HMGA2: variants seen among roughly 807,000 people sequenced by gnomAD.
HMGA2 encodes high mobility group protein HMGI-C.
In HMGA2, 8 loss-of-function variants were observed where a neutral mutation model predicts 19.1. That is an observed-to-expected ratio of 0.42 (90% CI 0.25 to 0.76). The LOEUF (loss-of-function observed/expected upper bound fraction) is 0.76, where lower values mean the gene tolerates loss of function less well. Ranked by LOEUF, HMGA2 falls within the 30% of genes least tolerant of loss-of-function variation. HMGA2 has a pLI of 0.28. For synonymous variants in HMGA2, 60 were observed against 48.8 expected (o/e 1.23, Z -0.96); for missense variants, 109 against 136.3 (o/e 0.80, Z 1.00).
chr12:65,844,610 A>G (rs1052374502), intron 3 of HMGA2, among the ~76,000 whole-genome samples: 5 of 152,248 alleles, frequency 3.3e-5, no homozygotes, highest in Admixed American at 3.3e-4. Flanking sequence ...TTGTTTTAAT[A>G]TGTAAGTGCT....
chr12:65,840,966 C>T (rs1870969758), intron 3 of HMGA2, among the ~76,000 whole-genome samples: 1 of 152,102 alleles, frequency 6.6e-6, no homozygotes, highest in Non-Finnish European at 1.5e-5. Context: ...AGGTTAGAGT[C>T]CTGTCTTCTC....
intron 3 of HMGA2, among the ~76,000 whole-genome samples, chr12:65,921,720 T>C (rs1875320695): frequency 6.6e-6 from 1 of 152,176 alleles, no homozygotes; most frequent in Non-Finnish European, 1.5e-5. Context: ...GGGGGAAATG[T>C]CTCCAGACCA....
chr12:65,913,550 A>G (rs1205159774), intron 3 of HMGA2, among the ~76,000 whole-genome samples: 2 of 152,158 alleles, frequency 1.3e-5, no homozygotes, highest in Non-Finnish European at 2.9e-5. Context: ...CTTTTCAGTC[A>G]TTTTTATCAA....
intron 2 of HMGA2, among the ~76,000 whole-genome samples, chr12:65,831,504 A>G (rs955913850): frequency 7.9e-5 from 12 of 151,866 alleles, no homozygotes; most frequent in African/African-American, 2.9e-4. Context: ...ATCATGTCAT[A>G]TATTTGTTCA....
At chr12:65,934,511 A>G (rs1875826010) in intron 3 of HMGA2, among the ~76,000 whole-genome samples, 1 of 152,194 alleles carries the variant, frequency 6.6e-6, no homozygotes, top group South Asian at 2.1e-4. Flanking sequence ...GGCTATAACC[A>G]GAGAATGCAA....
At chr12:65,910,565 A>G (rs939380152) in intron 3 of HMGA2, among the ~76,000 whole-genome samples, 7 of 152,308 alleles carry the variant, frequency 4.6e-5, no homozygotes, top group Admixed American at 4.6e-4. Flanking sequence ...ATAATTCTAC[A>G]TAAGATTTTG....
intron 3 of HMGA2, among the ~76,000 whole-genome samples, chr12:65,893,003 A>C (rs1873976714): frequency 6.6e-6 from 1 of 152,042 alleles, no homozygotes; most frequent in Admixed American, 6.6e-5. Flanking sequence ...AAGTGTAAAG[A>C]CGGCAGTGTA....
intron 3 of HMGA2, among the ~76,000 whole-genome samples, chr12:65,911,280 A>G (rs1874833363): frequency 6.6e-6 from 1 of 152,204 alleles, no homozygotes; most frequent in Non-Finnish European, 1.5e-5. Context: ...TTAGAAAAAC[A>G]GATATTCAAA....
intron 3 of HMGA2, among the ~76,000 whole-genome samples, chr12:65,939,545 G>T (rs2121289162): frequency 6.6e-6 from 1 of 152,090 alleles, no homozygotes; most frequent in East Asian, 1.9e-4. Context: ...TAGTAGAGAT[G>T]GGGTTTCACC....
chr12:65,958,892 T>C (rs1876674147), intron 4 of HMGA2: 1 of 151,768 alleles, frequency 6.6e-6, no homozygotes, highest in Non-Finnish European at 1.5e-5. Context: ...AAAGCTGACA[T>C]GGACTGTGAT....
chr12:65,859,236 C>T (rs952906158), intron 3 of HMGA2: 1 of 152,228 alleles, frequency 6.6e-6, no homozygotes, highest in Non-Finnish European at 1.5e-5. Context: ...CTATCAATAG[C>T]ACCCCTTTCA....
chr12:65,894,638 C>A (rs1874049888), intron 3 of HMGA2, among the ~76,000 whole-genome samples: 1 of 152,164 alleles, frequency 6.6e-6, no homozygotes, highest in Non-Finnish European at 1.5e-5. Context: ...GCTTTTCAAG[C>A]CATCTTGTAT....
chr12:65,865,634 T>A (rs1450872367), intron 3 of HMGA2, among the ~76,000 whole-genome samples: 2 of 135,386 alleles, frequency 1.5e-5, no homozygotes, highest in Non-Finnish European at 3.2e-5. Context: ...TCTATTTTTC[T>A]TTTTTTTTTT....
chr12:65,882,553 G>T (rs1873473551), intron 3 of HMGA2, among the ~76,000 whole-genome samples: 1 of 152,140 alleles, frequency 6.6e-6, no homozygotes, highest in African/African-American at 2.4e-5. Flanking sequence ...GTCTCCTGAG[G>T]GCCTGTCCCC....
chr12:65,869,688 A>G (rs780506735), intron 3 of HMGA2, among the ~76,000 whole-genome samples: 18 of 152,208 alleles, frequency 1.2e-4, no homozygotes, highest in Non-Finnish European at 2.2e-4. Flanking sequence ...TTTAAACACA[A>G]TCCTGTTTAA....
At chr12:65,839,145 T>A (rs969762789) in intron 3 of HMGA2, among the ~76,000 whole-genome samples, 1 of 152,040 alleles carries the variant, frequency 6.6e-6, no homozygotes, top group Non-Finnish European at 1.5e-5. Flanking sequence ...ATTCTCCACA[T>A]GCAAACATTA....
intron 3 of HMGA2, chr12:65,843,401 G>A (rs1871089409): frequency 9.9e-6 from 2 of 202,956 alleles, no homozygotes; most frequent in East Asian, 7.6e-5. Context: ...TTAGTCAAAC[G>A]TGAGGATTTT....
In HMGA2 at chr12:65,838,599, T is replaced by A; in HGVS notation, c.249+30T>A. The A allele has an allele frequency of 2.0e-6, 3 of 1,525,252 alleles. No individual in the cohort carries two copies. The Admixed American group carries it at 5.2e-5, about 26-fold the overall frequency. The allele number at this position is 1,525,252 out of a possible 1,614,324, so 94.5% of individuals were successfully genotyped here. ...GTAATAAGATATAATTTTTCTTCTT[T>A]TTTTTAAAGAAAAATTTCTGTTGTA... On this transcript the variant is annotated intron_variant, in intron 3 of 4. Coordinates refer to ENST00000403681, the MANE Select transcript of HMGA2 (RefSeq NM_003483.6).
chr12:65,902,588 G>A (rs377088026), intron 3 of HMGA2, among the ~76,000 whole-genome samples: 12 of 152,278 alleles, frequency 7.9e-5, no homozygotes, highest in African/African-American at 2.9e-4. Flanking sequence ...TTCATCAAGT[G>A]TGAGAATAAA....
Sources: allele counts gnomAD v4.1 joint callset (sites outside exome capture counted in the v4.1 genomes callset), GRCh38; gene constraint gnomAD v4.1.1; transcripts MANE v1.5; gene names NCBI Gene and HGNC (gene_info 2026-07-23, HGNC 2026-07-21).